The following CFAP73 variants were observed in gnomAD, a reference collection of about 807,000 sequenced individuals.
The protein encoded by CFAP73 is cilia and flagella associated protein 73.
Under a neutral mutation model 42.9 loss-of-function variants are expected in CFAP73, and 33 were observed. The ratio of observed to expected loss-of-function variants is 0.77; its 90% CI spans 0.58 to 1.03. The LOEUF (loss-of-function observed/expected upper bound fraction) is 1.03. Ranked by LOEUF, CFAP73 falls within the 50% of genes least tolerant of loss-of-function variation. CFAP73 has a pLI of 0.00. For synonymous variants in CFAP73, 162 were observed against 186.8 expected, an observed-to-expected ratio of 0.87 and a Z score of 1.08; for missense variants, 392 against 411.9, an observed-to-expected ratio of 0.95 and a Z score of 0.42.
At chr12:113,155,618 A>C (rs1952114940) in intron 6 of CFAP73, among the ~76,000 whole-genome samples, 200 bp downstream of exon 6, 1 of 152,088 alleles carries the variant, frequency 6.6e-6, no homozygotes, top group African/African-American at 2.4e-5. Flanking sequence ...TGGCTCTGAC[A>C]GTGGCCAGAA....
At chr12:113,157,987 A>C (rs74608134) in intron 7 of CFAP73, 11 of 413,406 alleles carry the variant, frequency 2.7e-5, no homozygotes, top group African/African-American at 1.2e-4. Flanking sequence ...ATGAAAAAAA[A>C]CTCTTTGTCA....
intron 6 of CFAP73, 67 bp from the exon 7 acceptor site, chr12:113,157,533 CGT>C (rs1952144235): frequency 7.5e-7 from 1 of 1,335,038 alleles, no homozygotes; most frequent in Non-Finnish European, 1.1e-6. Flanking sequence ...GCCTCCCCCG[CGT>C]GTTGAGGGGT....
intron 1 of CFAP73, among the ~76,000 whole-genome samples, chr12:113,150,649 C>T (rs1034128666): frequency 2.0e-5 from 3 of 152,176 alleles, no homozygotes; most frequent in Non-Finnish European, 4.4e-5. Flanking sequence ...CGTGGCCCCA[C>T]CACTGGTCTC....
In CFAP73 at chr12:113,154,434, G is replaced by A; in HGVS notation, c.489G>A (p.Leu163=). ...LLPGFQEVPE[L]VARFDGLAET... Reference sequence around the variant, plus strand: ...TCTAGTTCCAAGAGGTTCCGGAGCTGGTGGCGCGCTTCGACGGCCTGGCCG... The same window carrying A: ...TCTAGTTCCAAGAGGTTCCGGAGCTAGTGGCGCGCTTCGACGGCCTGGCCG... Residue 163 remains leucine, a synonymous_variant, in exon 5 of 8, where the codon CTG becomes CTA. Coordinates refer to ENST00000335621, the MANE Select transcript of CFAP73 (RefSeq NM_001144872.3). This position sits in a 1 kb window ranked among gnomAD's most constrained non-coding sequence, Gnocchi z 4.7. 1.9e-6 allele frequency: 3 copies of A among 1,547,626 alleles called. No individual in the cohort carries two copies. Among genetic ancestry groups the A allele is most frequent in the Non-Finnish European group, 2.6e-6 (3 of 1,145,878 alleles).
At chr12:113,153,057 G>A in intron 3 of CFAP73, 151 bp from the exon 4 acceptor site, 2 of 915,868 alleles carry the variant, frequency 2.2e-6, no homozygotes, top group South Asian at 1.8e-5. Context: ...AAAAAAAGCG[G>A]GCGGGGGAGT....
rs1592989746 is a variant in CFAP73 at position 113,153,214 on chromosome 12, G to A, written c.274G>A (p.Glu92Lys). Residue 92 changes from glutamate to lysine, a missense_variant, in exon 4 of 8, where the codon GAG becomes AAG. Transcript: ENST00000335621. ...IRFDKFLQDSEARRNRALRRA... is the reference protein window; with the variant it reads ...IRFDKFLQDSKARRNRALRRA... ...TCCCCACCGTACTCCCCAGGACTCC[G>A]AGGCCCGGCGCAATCGCGCGCTGCG... 1.3e-6 allele frequency: 2 copies of A among 1,517,714 alleles called. No homozygotes were observed. Among genetic ancestry groups the A allele is most frequent in the Non-Finnish European group, 8.8e-7 (1 of 1,139,384 alleles). 94.0% of individuals were successfully genotyped at this position (1,517,714 alleles called of 1,614,324 possible).
chr12:113,158,401 G>A lies in CFAP73; in HGVS notation c.*12-300G>A, dbSNP rs1479786237. 6.5e-6 allele frequency: 1 copy of A among 154,768 alleles called. No homozygotes were observed. Among genetic ancestry groups the A allele is most frequent in the Non-Finnish European group, 1.4e-5 (1 of 69,956 alleles). 9.6% of individuals were successfully genotyped at this position (154,768 alleles called of 1,614,324 possible). On this transcript the variant is annotated intron_variant, in intron 7 of 7. Coordinates refer to ENST00000335621, the MANE Select transcript of CFAP73 (RefSeq NM_001144872.3). This position sits in a 1 kb window ranked among gnomAD's most constrained non-coding sequence, Gnocchi z 4.9. ...AAGGCAGCAGAACTCACCCTCAGGA[G>A]ACCCGCAACTCCTCTGCCACGTTAG...
At position 113,159,183 on chromosome 12, in the gene CFAP73, G is replaced by C; in HGVS notation, c.*494G>C. On this transcript the variant is annotated 3_prime_UTR_variant, in exon 8 of 8. Coordinates refer to ENST00000335621, the MANE Select transcript of CFAP73 (RefSeq NM_001144872.3). ...GATCCCCTCCTCCCAGAAGCTTGCAGACTCCTCCCCTGCCCCTACTCCTGT... is the reference window on the plus strand; with the variant it reads ...GATCCCCTCCTCCCAGAAGCTTGCACACTCCTCCCCTGCCCCTACTCCTGT... 1 of 1,453,300 alleles carries C rather than the reference G, an allele frequency of 6.9e-7. No individual in the cohort carries two copies. Among genetic ancestry groups the C allele is most frequent in the Non-Finnish European group, 9.3e-7 (1 of 1,080,534 alleles). The allele number at this position is 1,453,300 out of a possible 1,614,324, so 90.0% of individuals were successfully genotyped here.
intron 6 of CFAP73, chr12:113,157,279 A>G (rs1952139424): frequency 2.9e-6 from 1 of 342,482 alleles, no homozygotes; most frequent in Non-Finnish European, 5.4e-6. Context: ...TCACAAACCA[A>G]TGAATATGAC....
intron 3 of CFAP73, 118 bp downstream of exon 3, chr12:113,153,005 C>T: frequency 1.2e-6 from 1 of 811,582 alleles, no homozygotes; most frequent in Admixed American, 2.8e-5. Context: ...AAGGAAACGG[C>T]GGGAAACACA....
Position 113,151,966 on chromosome 12 carries a change from C to T in CFAP73, c.105C>T (p.Leu35=). ...ATCATGTCCCACCAGTACTGCGTCT[C>T]CTGGAGAAGAGGCAAGAGCTGGTAG... ...AEDHVPPVLR[L]LEKRQELVDA... The change falls in exon 2 of 8, where the codon CTC becomes CTT. Residue 35 remains leucine (L), a synonymous_variant. Transcript: ENST00000335621. 3 of 1,551,584 alleles carry T rather than the reference C, an allele frequency of 1.9e-6. No individual in the cohort carries two copies. Among genetic ancestry groups the T allele is most frequent in the East Asian group, 2.4e-5 (1 of 40,918 alleles).
Position 113,151,950 on chromosome 12 carries a change from C to A in CFAP73, c.89C>A (p.Pro30Gln). 1 of 1,551,596 alleles carries A rather than the reference C, an allele frequency of 6.4e-7. No homozygotes were observed. Among genetic ancestry groups the A allele is most frequent in the Non-Finnish European group, 8.7e-7 (1 of 1,146,962 alleles). ...CCAGAGCAGGCTGAGGATCATGTCC[C>A]ACCAGTACTGCGTCTCCTGGAGAAG... The part of the protein sequence containing the change: ...KLPEQAEDHV[P>Q]PVLRLLEKRQ... The change falls in exon 2 of 8, where the codon CCA (proline) becomes CAA (glutamine). Residue 30 changes from proline to glutamine, a missense_variant. Physicochemically the swap from Pro to Gln is moderately conservative, Grantham distance 76 (BLOSUM62 -1). Coordinates refer to ENST00000335621, the MANE Select transcript of CFAP73 (RefSeq NM_001144872.3).
Position 113,155,388 on chromosome 12 carries a change from C to T in CFAP73, c.819C>T (p.Asp273=), listed in dbSNP as rs1443502164. The change falls in exon 6 of 8, where the codon GAC becomes GAT. Residue 273 remains aspartate, a synonymous_variant. Coordinates refer to ENST00000335621, the MANE Select transcript of CFAP73 (RefSeq NM_001144872.3). Reference sequence around the variant, plus strand: ...ATCAGGGGCAGCCTCCCACCCTGGACATCGAGGACACGGAGGGACAGCTAG... The same window carrying T: ...ATCAGGGGCAGCCTCCCACCCTGGATATCGAGGACACGGAGGGACAGCTAG... ...CQHQGQPPTL[D]IEDTEGQLEH... is the part of the protein sequence containing the mutation. The T allele has an allele frequency of 2.6e-6, 4 of 1,551,200 alleles. No individual in the cohort carries two copies. The highest frequency in any genetic ancestry group is 2.7e-5 in the African/African-American group (2 of 73,152).
rs1270182628 is a variant in CFAP73, at chr12:113,149,898, A to G, written c.41A>G (p.Gln14Arg). ...PWEEYFRLALQEKLSTKLPEQ... is the reference protein window; with the variant it reads ...PWEEYFRLALREKLSTKLPEQ... ...GAGGAATATTTCCGACTGGCTTTGCAAGAGAAACTGTCTACGTGAGTGGGA... is the reference window on the plus strand; with the variant it reads ...GAGGAATATTTCCGACTGGCTTTGCGAGAGAAACTGTCTACGTGAGTGGGA... The change falls in exon 1 of 8, where the codon CAA becomes CGA. Residue 14 changes from glutamine (Q) to arginine (R), a missense_variant. Gln to Arg is a conservative substitution (Grantham distance 43). Coordinates refer to ENST00000335621, the MANE Select transcript of CFAP73 (RefSeq NM_001144872.3). 10 of 1,551,516 alleles carry G rather than the reference A, an allele frequency of 6.4e-6. No individual in the cohort carries two copies. Among genetic ancestry groups the G allele is most frequent in the Non-Finnish European group, 8.7e-6 (10 of 1,146,958 alleles).
rs1952102312 is a variant in CFAP73 at position 113,154,812 on chromosome 12, TC to T, written c.690+179del. On this transcript the variant is annotated intron_variant, in intron 5 of 7. Transcript: ENST00000335621. The surrounding 1 kb of genome is among the most constrained non-coding windows in gnomAD (Gnocchi z 4.7). ...GTTTCGGGCATGAGGCCCCGCCCCA[TC>T]CGCCTGCACAAGGCTCCTGCACCCC... Among the ~76,000 whole-genome samples, 1 of 152,138 alleles carries T rather than the reference TC, an allele frequency of 6.6e-6. No individual in the cohort carries two copies. The highest frequency in any genetic ancestry group is 1.5e-5 in the Non-Finnish European group (1 of 68,012).
chr12:113,152,473 G>A (rs1261369412), intron 2 of CFAP73, among the ~76,000 whole-genome samples: 2 of 152,244 alleles, frequency 1.3e-5, no homozygotes, highest in Non-Finnish European at 2.9e-5. Context: ...GGAAAAACAG[G>A]CAGAGGAAAA....
At position 113,153,390 on chromosome 12, in the gene CFAP73, G is replaced by C. The variant is rs998646068; in HGVS notation, c.450G>C (p.Ala150=). The change falls in exon 4 of 8, where the codon GCG becomes GCC. Residue 150 remains alanine (A), a synonymous_variant. Coordinates refer to ENST00000335621, the MANE Select transcript of CFAP73 (RefSeq NM_001144872.3). The stretch of plus-strand genomic sequence containing the variant: ...CCTGCGCGCGCCTGCTGGAGCAAGC[G>C]CTGGAGCTGCTGCCCGGGGTGAGTC... ...LEPCARLLEQ[A]LELLPGFQEV... 1 of 1,447,152 alleles carries C rather than the reference G, an allele frequency of 6.9e-7. No individual in the cohort carries two copies. Among genetic ancestry groups the C allele is most frequent in the African/African-American group, 1.5e-5 (1 of 67,242 alleles). 89.6% of individuals were successfully genotyped at this position (1,447,152 alleles called of 1,614,324 possible). A position where few individuals can be genotyped will look rare whatever the true frequency, so the allele number is the denominator to read the frequency against.
chr12:113,151,868 G>A (rs1180672624), intron 1 of CFAP73, 50 bp from the exon 2 acceptor site: 1 of 1,302,824 alleles, frequency 7.7e-7, no homozygotes. Context: ...GAGATGTGGG[G>A]CCCTGAAACA....
chr12:113,149,954 G>A (rs1233845664), intron 1 of CFAP73, 41 bp downstream of exon 1: 7 of 1,532,810 alleles, frequency 4.6e-6, no homozygotes, highest in Non-Finnish European at 4.4e-6. Flanking sequence ...GAAGGAGGGC[G>A]GGAATGCGTG....
Sources: allele counts gnomAD v4.1 joint callset (sites outside exome capture counted in the v4.1 genomes callset), GRCh38; gene constraint gnomAD v4.1.1; non-coding constraint Gnocchi (gnomAD v3.1); transcripts MANE v1.5; gene names NCBI Gene and HGNC (gene_info 2026-07-23, HGNC 2026-07-21).